The following CLMN variants were observed in gnomAD, a reference collection of about 807,000 sequenced individuals.
CLMN encodes the protein calmin.
CLMN carries 57 observed loss-of-function variants against 92.7 expected under a neutral mutation model. That is an observed-to-expected ratio of 0.61 (90% CI 0.50 to 0.77). The LOEUF is 0.77. Ranked by LOEUF, CLMN falls within the 30% of genes least tolerant of loss-of-function variation. The probability of loss-of-function intolerance (pLI) is 0.00; values close to 1 mark genes in which losing one functional copy is unlikely to be tolerated. For synonymous variants in CLMN, 466 were observed against 470.6 expected (o/e 0.99, Z 0.13); for missense variants, 1,158 against 1,237.5 (o/e 0.94, Z 0.96).
intron 1 of CLMN, among the ~76,000 whole-genome samples, chr14:95,284,220 T>C (rs569131099): frequency 1.8e-4 from 28 of 152,322 alleles, no homozygotes; most frequent in Non-Finnish European, 3.5e-4. Context: ...AAGTCAAGAA[T>C]TGAGGTTTGG....
At chr14:95,261,667 T>C (rs541880894) in intron 1 of CLMN, among the ~76,000 whole-genome samples, 1 of 152,346 alleles carries the variant, frequency 6.6e-6, no homozygotes. Flanking sequence ...CCTGTGCCTC[T>C]GCATTGCGAC....
intron 1 of CLMN, among the ~76,000 whole-genome samples, chr14:95,293,201 CT>C (rs545126000): frequency 1.0e-5 from 1 of 100,102 alleles, no homozygotes; most frequent in Non-Finnish European, 2.0e-5. Flanking sequence ...CTTTCCCCCC[CT>C]TCCTTCCCTC....
At chr14:95,234,574 A>G (rs1897991991) in intron 1 of CLMN, among the ~76,000 whole-genome samples, 1 of 152,222 alleles carries the variant, frequency 6.6e-6, no homozygotes, top group South Asian at 2.1e-4. Flanking sequence ...ATAGAGTCAT[A>G]AAAGTGCTGT....
intron 1 of CLMN, among the ~76,000 whole-genome samples, chr14:95,254,688 C>G (rs1227949382): frequency 6.6e-6 from 1 of 152,166 alleles, no homozygotes; most frequent in Non-Finnish European, 1.5e-5. Context: ...CAATACTATT[C>G]AAGATAGGAT....
chr14:95,316,857 G>T (rs1361399322), intron 1 of CLMN, among the ~76,000 whole-genome samples: 1 of 152,202 alleles, frequency 6.6e-6, no homozygotes, highest in Non-Finnish European at 1.5e-5. Flanking sequence ...AATCAGGAAT[G>T]CCTGACCCTG....
At chr14:95,281,468 C>T (rs983798675) in intron 1 of CLMN, among the ~76,000 whole-genome samples, 3 of 152,182 alleles carry the variant, frequency 2.0e-5, no homozygotes, top group African/African-American at 7.2e-5. Flanking sequence ...CTATGGTACA[C>T]CTGTTATTAG....
Position 95,210,765 on chromosome 14 carries a change from A to C in CLMN, c.723T>G (p.Asn241Lys). 1 of 1,607,782 alleles carries C rather than the reference A, an allele frequency of 6.2e-7. No homozygotes were observed. The highest frequency in any genetic ancestry group is 8.5e-7 in the Non-Finnish European group (1 of 1,177,288). The change falls in exon 7 of 13, where the codon AAT becomes AAG. Residue 241 changes from asparagine to lysine, a missense_variant. Transcript: ENST00000298912. ...CCTTCTCTAGATTTTCTCGTGTGGA[A>C]TTTTCCAGGGCCTGTTTCATGTCCA... ...SLVDMKQALE[N>K]STRENLEKAF...
At chr14:95,268,610 A>G (rs1899574384) in intron 1 of CLMN, among the ~76,000 whole-genome samples, 1 of 152,038 alleles carries the variant, frequency 6.6e-6, no homozygotes, top group African/African-American at 2.4e-5. Context: ...CATAGGTGCT[A>G]AGATTTCCTA....
intron 4 of CLMN, among the ~76,000 whole-genome samples, chr14:95,216,968 T>C (rs939126923): frequency 2.0e-5 from 3 of 152,312 alleles, no homozygotes; most frequent in African/African-American, 7.2e-5. Context: ...TGAGGATCAC[T>C]GCCCTAAGTC....
rs1896783185 is a variant in CLMN at position 95,198,353 on chromosome 14, T to C, written c.2512-1659A>G. On this transcript the variant is annotated intron_variant, in intron 9 of 12. Transcript: ENST00000298912. ...GCGTGAGCCACTGCTCCTGGCCTCT[T>C]TTTTTTTTTTAAAGGAAGGCAAGGT... Among the ~76,000 whole-genome samples the C allele has an allele frequency of 2.0e-5, 3 of 146,720 alleles. No individual in the cohort carries two copies. The South Asian group carries it at 6.4e-4, about 31-fold the overall frequency.
At position 95,213,234 on chromosome 14, in the gene CLMN, T is replaced by C. The variant is rs1208381285; in HGVS notation, c.593A>G (p.Gln198Arg). The change falls in exon 6 of 13, where the codon CAG (glutamine) becomes CGG (arginine). Residue 198 changes from glutamine (Q) to arginine (R), a missense_variant. Gln to Arg is a conservative substitution (Grantham distance 43, BLOSUM62 1). Transcript: ENST00000298912. ...KAIKALLAWV[Q>R]RKTRKYGVAV... The stretch of plus-strand genomic sequence containing the variant: ...TGCGGCTTACTTTCTCGTTTTCCTC[T>C]GCACCCACGCCAACAGGGCCTTGAT... The C allele has an allele frequency of 6.2e-7, 1 of 1,614,026 alleles. No individual in the cohort carries two copies. The highest frequency in any genetic ancestry group is 1.7e-5 in the Admixed American group (1 of 59,998).
chr14:95,286,036 C>T (rs945040857), intron 1 of CLMN, among the ~76,000 whole-genome samples: 4 of 152,100 alleles, frequency 2.6e-5, no homozygotes, highest in South Asian at 2.1e-4. Flanking sequence ...AGAGTGGAGA[C>T]GAAGCAAGCT....
intron 1 of CLMN, among the ~76,000 whole-genome samples, chr14:95,282,875 A>G (rs921428236): frequency 6.6e-6 from 1 of 152,242 alleles, no homozygotes; most frequent in Non-Finnish European, 1.5e-5. Context: ...AGCCTGTCAG[A>G]TGCAGGAGCA....
Position 95,184,467 on chromosome 14 carries a change from G to A in CLMN, c.*7097C>T, listed in dbSNP as rs1158947057. On this transcript the variant is annotated 3_prime_UTR_variant, in exon 13 of 13. Transcript: ENST00000298912. ...CATGTGTATATTTAAAAACAACTTGGTCAAACAGTACAAAATACTGGTTGT... is the reference window on the plus strand; with the variant it reads ...CATGTGTATATTTAAAAACAACTTGATCAAACAGTACAAAATACTGGTTGT... 1.3e-5 allele frequency: 2 copies of A among 152,206 alleles called. No individual in the cohort carries two copies. The highest frequency in any genetic ancestry group is 6.5e-5 in the Admixed American group (1 of 15,278). The allele number at this position is 152,206 out of a possible 1,614,324, so 9.4% of individuals were successfully genotyped here.
Position 95,204,412 on chromosome 14 carries a change from G to C in CLMN, c.937C>G (p.Arg313Gly), listed in dbSNP as rs139154234. ...TGTTCAGAAGGAGTTTCTTTGATGC[G>C]AACAAAAGTGGATTCGATAGGAACT... ...KEVPIESTFV[R>G]IKETPSEQES... The change falls in exon 9 of 13, where the codon CGC becomes GGC. Residue 313 changes from arginine (R) to glycine (G), a missense_variant. By Grantham distance (125) the Arg-to-Gly change is moderately radical. Coordinates refer to ENST00000298912, the MANE Select transcript of CLMN (RefSeq NM_024734.4). 7.2e-4 allele frequency: 1,164 copies of C among 1,606,746 alleles called. 1 individual carries two copies. The highest frequency in any genetic ancestry group is 9.1e-4 in the Non-Finnish European group (1,076 of 1,177,426).
At chr14:95,252,021 C>A (rs1016291344) in intron 1 of CLMN, among the ~76,000 whole-genome samples, 6 of 152,310 alleles carry the variant, frequency 3.9e-5, no homozygotes, top group East Asian at 3.9e-4. Context: ...CTGCAGACCA[C>A]TTTATGGCTC....
chr14:95,245,238 T>TTA lies in CLMN; in HGVS notation c.83-15107_83-15106dup, dbSNP rs1555390382. On this transcript the variant is annotated intron_variant, in intron 1 of 12. Coordinates refer to ENST00000298912, the MANE Select transcript of CLMN (RefSeq NM_024734.4). ...TATATATATATATTATATATATATA[T>TTA]TATATATATATATATAATATATATA... Among the ~76,000 whole-genome samples the TTA allele has an allele frequency of 9.8e-3, 277 of 28,132 alleles. 4 individuals are homozygous for TTA. Among genetic ancestry groups the TTA allele is most frequent in the Non-Finnish European group, 0.012 (220 of 18,758 alleles). 18.5% of individuals were successfully genotyped at this position (28,132 alleles called of 152,430 possible).
At chr14:95,264,939 CAAAAAAAA>C (rs34109382) in intron 1 of CLMN, among the ~76,000 whole-genome samples, 1 of 127,458 alleles carries the variant, frequency 7.8e-6, no homozygotes, top group African/African-American at 2.9e-5. Flanking sequence ...CCATCTCTAC[CAAAAAAAA>C]AAAAAAAAAT....
chr14:95,315,572 T>C (rs1769088669), intron 1 of CLMN, among the ~76,000 whole-genome samples: 1 of 152,190 alleles, frequency 6.6e-6, no homozygotes, highest in South Asian at 2.1e-4. Flanking sequence ...GGGCTGATCC[T>C]TCGGAAAACG....
Sources: gnomAD v4.1 joint callset for allele counts (sites outside exome capture counted in the v4.1 genomes callset) on GRCh38, gnomAD v4.1.1 for gene constraint, MANE v1.5 for transcripts, NCBI Gene and HGNC (gene_info 2026-07-23, HGNC 2026-07-21) for gene names.